TASP1: variants seen among roughly 807,000 people sequenced by gnomAD.
TASP1 encodes the protein taspase 1.
TASP1 carries 16 observed loss-of-function variants against 56.6 expected under a neutral mutation model. That is an observed-to-expected ratio of 0.28 (90% CI 0.19 to 0.43). The LOEUF (loss-of-function observed/expected upper bound fraction) is 0.43, where lower values mean the gene tolerates loss of function less well. Ranked by LOEUF, TASP1 falls within the 20% of genes least tolerant of loss-of-function variation. The pLI, the probability that TASP1 is intolerant of heterozygous loss-of-function variation, is 1.00. For synonymous variants in TASP1, 179 were observed against 184.2 expected, an observed-to-expected ratio of 0.97 and a Z score of 0.23; for missense variants, 393 against 511.6, an observed-to-expected ratio of 0.77 and a Z score of 2.24.
the TASP1 span, among the ~76,000 whole-genome samples, chr20:13,160,359 T>C: frequency 2.0e-5 from 3 of 152,194 alleles, no homozygotes; most frequent in Non-Finnish European, 4.4e-5. Context: ...TCAATCAGTG[T>C]TTTGGTTTCC....
chr20:13,240,305 G>A, the TASP1 span, among the ~76,000 whole-genome samples: 1 of 152,192 alleles, frequency 6.6e-6, no homozygotes, highest in Non-Finnish European at 1.5e-5. Context: ...TGCTTAGCAG[G>A]ACATAAACAG....
At chr20:13,349,991 A>G in the TASP1 span, among the ~76,000 whole-genome samples, 2 of 152,140 alleles carry the variant, frequency 1.3e-5, no homozygotes, top group Non-Finnish European at 2.9e-5. Flanking sequence ...TCTCTATAAG[A>G]AATTTAAACA....
the TASP1 span, chr20:13,292,251 C>T: frequency 1.6e-6 from 1 of 639,304 alleles, no homozygotes; most frequent in Non-Finnish European, 2.8e-6. Context: ...CAAGTTTCTG[C>T]CCGTGAGTAG....
chr20:13,344,876 C>G, the TASP1 span, among the ~76,000 whole-genome samples: 1 of 152,174 alleles, frequency 6.6e-6, no homozygotes, highest in South Asian at 2.1e-4. Context: ...AGAAATTGGT[C>G]CCAGTGGTCT....
At chr20:13,142,200 C>A in the TASP1 span, among the ~76,000 whole-genome samples, 27 of 152,186 alleles carry the variant, frequency 1.8e-4, no homozygotes, top group Non-Finnish European at 3.4e-4. Context: ...TAAAGAGAAT[C>A]TGTGTGTCTT....
the TASP1 span, among the ~76,000 whole-genome samples, chr20:13,197,699 T>C: frequency 6.6e-6 from 1 of 152,242 alleles, no homozygotes; most frequent in South Asian, 2.1e-4. Flanking sequence ...TGTAGTGCTC[T>C]ATAAGTTATG....
At chr20:13,177,972 T>G in the TASP1 span, among the ~76,000 whole-genome samples, 1 of 152,088 alleles carries the variant, frequency 6.6e-6, no homozygotes, top group African/African-American at 2.4e-5. Flanking sequence ...GGACAACCTA[T>G]AGAATGGGAG....
the TASP1 span, chr20:13,279,991 A>G: frequency 7.8e-7 from 1 of 1,282,556 alleles, no homozygotes; most frequent in Non-Finnish European, 1.1e-6. Context: ...TGCTTAGAGC[A>G]TGTGGCTTTT....
the TASP1 span, among the ~76,000 whole-genome samples, chr20:13,267,673 C>T: frequency 6.6e-6 from 1 of 152,196 alleles, no homozygotes; most frequent in Admixed American, 6.5e-5. Flanking sequence ...ATCAATCAAT[C>T]AGACTTAGTC....
chr20:13,433,856 A>AC (rs1555848860), intron 12 of TASP1, among the ~76,000 whole-genome samples: 2 of 151,714 alleles, frequency 1.3e-5, no homozygotes, highest in Admixed American at 6.6e-5. Flanking sequence ...AAAAAAAAAA[A>AC]AAAACAGAAG....
chr20:13,232,842 G>A, the TASP1 span, among the ~76,000 whole-genome samples: 14 of 152,208 alleles, frequency 9.2e-5, no homozygotes, highest in Non-Finnish European at 1.9e-4. Context: ...ATGAACTACA[G>A]TATATTATGA....
At chr20:13,595,453 C>G (rs553951181) in intron 4 of TASP1, among the ~76,000 whole-genome samples, 9 of 152,178 alleles carry the variant, frequency 5.9e-5, no homozygotes, top group African/African-American at 2.2e-4. Context: ...GAGTCAAGAC[C>G]CATCAGTGTG....
intron 11 of TASP1, among the ~76,000 whole-genome samples, chr20:13,460,249 C>T (rs1301328582): frequency 6.6e-6 from 1 of 152,160 alleles, no homozygotes; most frequent in Non-Finnish European, 1.5e-5. Context: ...TCGTGCTTTG[C>T]TGCTTTCTAG....
the TASP1 span, among the ~76,000 whole-genome samples, chr20:13,305,928 C>G: frequency 1.3e-5 from 2 of 152,186 alleles, no homozygotes; most frequent in Non-Finnish European, 2.9e-5. Context: ...CATCCTCAAC[C>G]ATTTTAGTGG....
At chr20:13,208,202 G>T in the TASP1 span, among the ~76,000 whole-genome samples, 1 of 152,170 alleles carries the variant, frequency 6.6e-6, no homozygotes, top group Non-Finnish European at 1.5e-5. Flanking sequence ...TTCCTTATGG[G>T]CTCAGGATGA....
chr20:13,276,387 A>G, the TASP1 span, among the ~76,000 whole-genome samples: 2 of 151,872 alleles, frequency 1.3e-5, no homozygotes, highest in Admixed American at 6.6e-5. Context: ...CTTCTAGTCA[A>G]TGTATTAATT....
At chr20:13,269,955 G>GGATGGATGGATA in the TASP1 span, among the ~76,000 whole-genome samples, 1 of 151,966 alleles carries the variant, frequency 6.6e-6, no homozygotes, top group Non-Finnish European at 1.5e-5. Flanking sequence ...ATGGATGGAT[G>GGATGGATGGATA]GATGGATGGA....
chr20:13,583,048 T>G (rs1264496529), intron 5 of TASP1, among the ~76,000 whole-genome samples: 2 of 152,214 alleles, frequency 1.3e-5, no homozygotes, highest in Non-Finnish European at 2.9e-5. Context: ...AGCTCCTGAT[T>G]TGTGCCACAG....
At chr20:13,228,146 T>C in the TASP1 span, among the ~76,000 whole-genome samples, 1 of 151,946 alleles carries the variant, frequency 6.6e-6, no homozygotes, top group African/African-American at 2.4e-5. Context: ...CTAATTTTTG[T>C]ATTTTTAGTA....
Sources: gnomAD v4.1 joint callset for allele counts (sites outside exome capture counted in the v4.1 genomes callset) on GRCh38, gnomAD v4.1.1 for gene constraint, MANE v1.5 for transcripts, NCBI Gene and HGNC (gene_info 2026-07-23, HGNC 2026-07-21) for gene names.